Variants in DKK2 observed in about 807,000 individuals in gnomAD.
The protein encoded by DKK2 is dickkopf Wnt signaling pathway inhibitor 2, also known as dickkopf-related protein 2.
In DKK2, 11 loss-of-function variants were observed where a neutral mutation model predicts 28.1. The ratio of observed to expected loss-of-function variants is 0.39; its 90% CI spans 0.25 to 0.65. The LOEUF is 0.65. Ranked by LOEUF, DKK2 falls within the 30% of genes least tolerant of loss-of-function variation. DKK2 has a pLI of 0.47. For missense variants in DKK2, 326 were observed against 335.5 expected, an observed-to-expected ratio of 0.97 and a Z score of 0.22; for synonymous variants, 135 against 126.5, an observed-to-expected ratio of 1.07 and a Z score of -0.45.
chr4:106,948,150 G>C (rs902710192), intron 1 of DKK2, among the ~76,000 whole-genome samples: 1 of 152,110 alleles, frequency 6.6e-6, no homozygotes, highest in Non-Finnish European at 1.5e-5. Flanking sequence ...TATGCAGGTA[G>C]TAAATGTTAG....
intron 1 of DKK2, among the ~76,000 whole-genome samples, chr4:106,999,216 T>C (rs1012949): frequency 0.023 from 3,457 of 152,310 alleles, 147 homozygotes; most frequent in African/African-American, 0.079. Flanking sequence ...GGAAATCATC[T>C]AGCAGACAGC....
intron 1 of DKK2, among the ~76,000 whole-genome samples, chr4:106,996,746 G>C (rs2110363510): frequency 6.6e-6 from 1 of 152,274 alleles, no homozygotes; most frequent in Middle Eastern, 3.4e-3. Context: ...TTTATTTCCT[G>C]CTTCTCTGAA....
At chr4:106,991,308 ATTCT>A (rs1178831718) in intron 1 of DKK2, among the ~76,000 whole-genome samples, 1 of 152,012 alleles carries the variant, frequency 6.6e-6, no homozygotes, top group East Asian at 1.9e-4. Flanking sequence ...AATCCTTCAG[ATTCT>A]TTCTTTTAGT....
chr4:106,992,589 C>A (rs148948755), intron 1 of DKK2, among the ~76,000 whole-genome samples: 1 of 152,292 alleles, frequency 6.6e-6, no homozygotes, highest in East Asian at 1.9e-4. Flanking sequence ...AGACAAATTT[C>A]TTTGCTGCAA....
chr4:106,938,964 A>C (rs527728876), intron 1 of DKK2, among the ~76,000 whole-genome samples: 28 of 151,906 alleles, frequency 1.8e-4, no homozygotes, highest in African/African-American at 6.5e-4. Flanking sequence ...ATGTATTTCA[A>C]AATAATAAGA....
intron 1 of DKK2, among the ~76,000 whole-genome samples, chr4:106,977,642 C>G (rs1048416243): frequency 1.3e-5 from 2 of 152,062 alleles, no homozygotes; most frequent in African/African-American, 2.4e-5. Flanking sequence ...TTTCTCTAAC[C>G]TTTTTTCAAG....
At chr4:106,958,732 G>C (rs913827166) in intron 1 of DKK2, among the ~76,000 whole-genome samples, 1 of 151,410 alleles carries the variant, frequency 6.6e-6, no homozygotes, top group Admixed American at 6.6e-5. Flanking sequence ...AGCTACTCAG[G>C]AGGCTGAGGC....
At chr4:106,998,868 T>C (rs1211161452) in intron 1 of DKK2, among the ~76,000 whole-genome samples, 3 of 152,210 alleles carry the variant, frequency 2.0e-5, no homozygotes, top group East Asian at 1.9e-4. Context: ...ATTGATTATG[T>C]TGTAAGTATG....
rs1401566784 is a variant in DKK2, at chr4:106,990,267, TG to T, written c.222+45102del. Reference sequence around the variant, plus strand: ...CACTATCAAGAGGTCAATAGCCACATGTAGCCAGTGGCTTCAAATTGGATGA... The same window carrying T: ...CACTATCAAGAGGTCAATAGCCACATTAGCCAGTGGCTTCAAATTGGATGA... On this transcript the variant is annotated intron_variant, in intron 1 of 3. Coordinates refer to ENST00000285311, the MANE Select transcript of DKK2 (RefSeq NM_014421.3). Among the ~76,000 whole-genome samples, 6 of 152,338 alleles carry T rather than the reference TG, an allele frequency of 3.9e-5. No homozygotes were observed. In the East Asian group the frequency reaches 1.2e-3, roughly 29 times the overall value.
intron 1 of DKK2, among the ~76,000 whole-genome samples, chr4:107,018,912 T>A (rs1723651518): frequency 6.6e-6 from 1 of 152,072 alleles, no homozygotes; most frequent in African/African-American, 2.4e-5. Context: ...TAAGTCCTGG[T>A]TTTGCAATCT....
chr4:106,965,711 C>A (rs1175588216), intron 1 of DKK2, among the ~76,000 whole-genome samples: 1 of 148,576 alleles, frequency 6.7e-6, no homozygotes, highest in African/African-American at 2.5e-5. Flanking sequence ...CGTCATCTAG[C>A]ATTAGGTATA....
intron 1 of DKK2, among the ~76,000 whole-genome samples, chr4:106,988,323 A>C (rs533106739): frequency 6.6e-6 from 1 of 152,160 alleles, no homozygotes; most frequent in African/African-American, 2.4e-5. Context: ...CCTTGTTTTC[A>C]GTTTCAAAGT....
chr4:106,987,077 G>A (rs1346390029), intron 1 of DKK2, among the ~76,000 whole-genome samples: 2 of 152,106 alleles, frequency 1.3e-5, no homozygotes, highest in African/African-American at 2.4e-5. Context: ...ACTATTTGAG[G>A]CATAATTATA....
At chr4:106,983,034 A>AGATG (rs908364256) in intron 1 of DKK2, among the ~76,000 whole-genome samples, 7 of 151,112 alleles carry the variant, frequency 4.6e-5, no homozygotes, top group African/African-American at 1.5e-4. Context: ...GGAAGAAGAA[A>AGATG]GATGAAAGAA....
intron 1 of DKK2, among the ~76,000 whole-genome samples, chr4:106,951,334 T>C (rs1232654457): frequency 5.3e-5 from 8 of 152,244 alleles, no homozygotes; most frequent in Non-Finnish European, 1.5e-5. Context: ...CACTATTGGG[T>C]ATTTATTTAA....
At chr4:107,027,802 A>G (rs1723811400) in intron 1 of DKK2, among the ~76,000 whole-genome samples, 1 of 144,082 alleles carries the variant, frequency 6.9e-6, no homozygotes, top group African/African-American at 2.6e-5. Flanking sequence ...CCCAGGCTAG[A>G]GTACAGTGGC....
intron 1 of DKK2, among the ~76,000 whole-genome samples, chr4:107,019,221 CA>C (rs1723655945): frequency 6.6e-6 from 1 of 151,926 alleles, no homozygotes; most frequent in South Asian, 2.1e-4. Context: ...TTTAGAAAAA[CA>C]AAAACAAAAA....
chr4:106,959,958 T>C (rs1470830955), intron 1 of DKK2, among the ~76,000 whole-genome samples: 1 of 151,946 alleles, frequency 6.6e-6, no homozygotes, highest in Non-Finnish European at 1.5e-5. Flanking sequence ...ATAAAACTAG[T>C]TATGCAAAGA....
intron 1 of DKK2, among the ~76,000 whole-genome samples, chr4:106,946,353 C>G (rs1013718816): frequency 1.3e-5 from 2 of 151,926 alleles, no homozygotes; most frequent in African/African-American, 4.8e-5. Flanking sequence ...AATATGATGT[C>G]CAGAATTCCT....
Sources: allele counts gnomAD v4.1 joint callset (sites outside exome capture counted in the v4.1 genomes callset), GRCh38; gene constraint gnomAD v4.1.1; transcripts MANE v1.5; gene names NCBI Gene and HGNC (gene_info 2026-07-23, HGNC 2026-07-21).